PPP2R2D: variants seen among roughly 807,000 people sequenced by gnomAD.
The protein encoded by PPP2R2D is serine/threonine-protein phosphatase 2A 55 kDa regulatory subunit B delta isoform.
In PPP2R2D, 9 loss-of-function variants were observed where a neutral mutation model predicts 31.1. The observed-to-expected ratio is 0.29, with a 90% CI of 0.17 to 0.51. The LOEUF is 0.51. Among genes scored for constraint, PPP2R2D ranks in the 20% least tolerant of loss-of-function variants. The pLI is 0.98. For synonymous variants in PPP2R2D, 179 were observed against 172.6 expected (o/e 1.04, Z -0.29); for missense variants, 391 against 465.6 (o/e 0.84, Z 1.48).
intron 2 of PPP2R2D, among the ~76,000 whole-genome samples, chr10:131,928,419 T>C (rs2036146479): frequency 6.6e-6 from 1 of 152,238 alleles, no homozygotes; most frequent in African/African-American, 2.4e-5. Flanking sequence ...ATCATGTCTG[T>C]CAGGGATCCC....
downstream of PPP2R2D, among the ~76,000 whole-genome samples, chr10:131,964,666 G>GT (rs60096905): frequency 0.2 from 26,915 of 133,420 alleles, 2,986 homozygotes; most frequent in Non-Finnish European, 0.24. Context: ...AGTTTACTAT[G>GT]TTTTTTTTTT....
Position 131,947,785 on chromosome 10 carries a change from C to G in PPP2R2D, c.1076C>G (p.Ser359Trp). The G allele has an allele frequency of 6.2e-7, 1 of 1,613,330 alleles. No individual in the cohort carries two copies. Residue 359 changes from serine to tryptophan, a missense_variant, in exon 8 of 9, where the codon TCG becomes TGG. Transcript: ENST00000455566. This position sits in a 1 kb window ranked among gnomAD's most constrained non-coding sequence, Gnocchi z 4.3. ...FDKFECCWNG[S>W]DSAIMTGSYN... ...AAGTTTGAGTGTTGCTGGAACGGTTCGGATAGGTAAGGCCTGCGTGGAGAT... is the reference window on the plus strand; with the variant it reads ...AAGTTTGAGTGTTGCTGGAACGGTTGGGATAGGTAAGGCCTGCGTGGAGAT...
intron 2 of PPP2R2D, among the ~76,000 whole-genome samples, chr10:131,913,754 G>T (rs1320399531): frequency 1.3e-5 from 2 of 152,208 alleles, no homozygotes; most frequent in Non-Finnish European, 1.5e-5. Flanking sequence ...GGAACGCCAT[G>T]GCAGGTGTGG....
chr10:131,939,968 A>G, intron 3 of PPP2R2D, 63 bp from the exon 4 acceptor site: 1 of 487,928 alleles, frequency 2.0e-6, no homozygotes, highest in Non-Finnish European at 3.8e-6. Context: ...TCAAATTTAT[A>G]GTACTGAAAT....
At chr10:131,960,805 A>T (rs147440508), downstream of PPP2R2D, among the ~76,000 whole-genome samples, 1 of 152,296 alleles carries the variant, frequency 6.6e-6, no homozygotes, top group East Asian at 1.9e-4. Flanking sequence ...GGCATCAGCC[A>T]GGGAGTGGGG....
chr10:131,946,841 C>T (rs2036551333), intron 7 of PPP2R2D, among the ~76,000 whole-genome samples: 1 of 152,022 alleles, frequency 6.6e-6, no homozygotes, highest in Non-Finnish European at 1.5e-5. Flanking sequence ...GAGGTTGAGG[C>T]GGGAGGATCT....
At chr10:131,948,878 T>A (rs782505023) in intron 8 of PPP2R2D, among the ~76,000 whole-genome samples, 4 of 152,184 alleles carry the variant, frequency 2.6e-5, no homozygotes, top group Non-Finnish European at 4.4e-5. Flanking sequence ...CACTGGCAGA[T>A]AGGGTCCAAA....
rs904850190 is a variant in PPP2R2D at position 131,959,582 on chromosome 10, A to C, written c.*3619A>C. The C allele has an allele frequency of 7.8e-5, 12 of 154,168 alleles. No homozygotes were observed. The highest frequency in any genetic ancestry group is 2.9e-4 in the African/African-American group (12 of 41,582). 9.6% of individuals were successfully genotyped at this position (154,168 alleles called of 1,614,324 possible). A position where few individuals can be genotyped will look rare whatever the true frequency, so the allele number is the denominator to read the frequency against. On this transcript the variant is annotated 3_prime_UTR_variant, in exon 9 of 9. Transcript: ENST00000455566. ...GGATGTCCGTCATTACCCTGAATCA[A>C]TGCTAACACAGTGCCACTTGAGTTC...
At chr10:131,970,970 A>T in the PPP2R2D span, 1 of 1,613,152 alleles carries the variant, frequency 6.2e-7, no homozygotes. The surrounding 1 kb of genome is among the most constrained non-coding windows in gnomAD (Gnocchi z 4.1). Context: ...TCTTCCTCAG[A>T]CTAAGATAAA....
At chr10:131,971,291 C>T in the PPP2R2D span, 8 of 342,000 alleles carry the variant, frequency 2.3e-5, no homozygotes, top group Admixed American at 1.3e-4. Flanking sequence ...AGGGAAGTCA[C>T]GTGACATGAG....
At chr10:131,951,641 T>C (rs139802201) in intron 8 of PPP2R2D, among the ~76,000 whole-genome samples, 3 of 152,040 alleles carry the variant, frequency 2.0e-5, no homozygotes, top group Non-Finnish European at 4.4e-5. Flanking sequence ...ACCAACATAG[T>C]GAAACCCCAT....
chr10:131,921,114 G>C lies in PPP2R2D; in HGVS notation c.101-13344G>C, dbSNP rs58387357. Among the ~76,000 whole-genome samples the C allele has an allele frequency of 9.7e-3, 1,477 of 152,308 alleles. 16 individuals carry two copies. The highest frequency in any genetic ancestry group is 0.034 in the African/African-American group (1,397 of 41,566). On this transcript the variant is annotated intron_variant, in intron 2 of 8. Coordinates refer to ENST00000455566, the MANE Select transcript of PPP2R2D (RefSeq NM_018461.5). ...ATGTGCTTTTCCCCTTTTGATACCA[G>C]CTCTCAGAGTGATGATCGTTTCTGT...
chr10:131,971,258 C>G, the PPP2R2D span: 1 of 429,898 alleles, frequency 2.3e-6, no homozygotes, highest in Admixed American at 3.8e-5. Context: ...TCTGGGGGTA[C>G]TGACAGCGGC....
intron 8 of PPP2R2D, among the ~76,000 whole-genome samples, chr10:131,951,964 C>T (rs2036644360): frequency 6.6e-6 from 1 of 152,066 alleles, no homozygotes; most frequent in African/African-American, 2.4e-5. Context: ...CAGGGGGGTC[C>T]CTGTCTTAGC....
intron 2 of PPP2R2D, among the ~76,000 whole-genome samples, chr10:131,904,511 A>G (rs999014120): frequency 6.7e-6 from 1 of 150,288 alleles, no homozygotes; most frequent in African/African-American, 2.4e-5. Context: ...CTTTGTCTCA[A>G]AAAAAAAAAG....
In PPP2R2D at chr10:131,901,030, CGGCGGCGGCGGCGGCGCCGGCGGT is replaced by C. The variant is rs2035479838; in HGVS notation, c.-116_-93del. 6.5e-5 allele frequency: 10 copies of C among 153,834 alleles called. No individual in the cohort carries two copies. Among genetic ancestry groups the C allele is most frequent in the Admixed American group, 5.4e-4 (8 of 14,800 alleles). 9.5% of individuals were successfully genotyped at this position (153,834 alleles called of 1,614,324 possible). ...GAAAAAAATCCCTCCCCGGCGGCGG[CGGCGGCGGCGGCGGCGCCGGCGGT>C]GGTGGCGGCCCCGGGGCTGAGCGCT... is the stretch of plus-strand genomic sequence containing the variant. On this transcript the variant is annotated 5_prime_UTR_variant, in exon 1 of 9. Transcript: ENST00000455566.
chr10:131,951,238 A>AT (rs1196052224), intron 8 of PPP2R2D, among the ~76,000 whole-genome samples: 1 of 152,242 alleles, frequency 6.6e-6, no homozygotes, highest in Non-Finnish European at 1.5e-5. Flanking sequence ...CCTTGGTGAC[A>AT]TTCAGTCGGG....
At chr10:131,964,361 C>T (rs2036954629), downstream of PPP2R2D, among the ~76,000 whole-genome samples, 1 of 151,526 alleles carries the variant, frequency 6.6e-6, no homozygotes, top group East Asian at 1.9e-4. Context: ...AGACAAATAA[C>T]CGTCACCACC....
intron 8 of PPP2R2D, among the ~76,000 whole-genome samples, chr10:131,948,507 T>C (rs77339798): frequency 0.022 from 3,416 of 152,264 alleles, 63 homozygotes; most frequent in Non-Finnish European, 0.032. Flanking sequence ...CACCTAGAAA[T>C]GCTGGATATG....
Sources: gnomAD v4.1 joint callset for allele counts (sites outside exome capture counted in the v4.1 genomes callset) on GRCh38, gnomAD v4.1.1 for gene constraint, Gnocchi (gnomAD v3.1) non-coding constraint, MANE v1.5 for transcripts, NCBI Gene and HGNC (gene_info 2026-07-23, HGNC 2026-07-21) for gene names.